Variants in DPYD observed in about 807,000 individuals in gnomAD.
DPYD encodes dihydropyrimidine dehydrogenase [NADP(+)].
DPYD carries 109 observed loss-of-function variants against 116.2 expected under a neutral mutation model. The ratio of observed to expected loss-of-function variants is 0.94; its 90% CI spans 0.80 to 1.10. The LOEUF (loss-of-function observed/expected upper bound fraction) is 1.10. DPYD is among the 50% of genes least tolerant of loss of function. The pLI is 0.00. For missense variants in DPYD, 1,302 were observed against 1,254.5 expected (o/e 1.04, Z -0.57); for synonymous variants, 440 against 432.0 (o/e 1.02, Z -0.23).
At chr1:97,373,501 C>A in intron 16 of DPYD, 60 bp downstream of exon 16, 1 of 1,426,704 alleles carries the variant, frequency 7.0e-7, no homozygotes, top group Non-Finnish European at 9.9e-7. Flanking sequence ...TAGTAACTAT[C>A]CATACGGGGG....
At chr1:97,348,626 T>C (rs1669975637) in intron 16 of DPYD, among the ~76,000 whole-genome samples, 1 of 152,164 alleles carries the variant, frequency 6.6e-6, no homozygotes, top group Admixed American at 6.6e-5. Context: ...AACAGCAGAA[T>C]TGCCTGGAAG....
chr1:97,485,669 A>G (rs938975188), intron 13 of DPYD, among the ~76,000 whole-genome samples: 1 of 152,084 alleles, frequency 6.6e-6, no homozygotes, highest in Non-Finnish European at 1.5e-5. Context: ...GGTTCATTTT[A>G]AAATACATGT....
chr1:97,141,576 A>G (rs1013857672), intron 20 of DPYD, among the ~76,000 whole-genome samples: 1 of 152,040 alleles, frequency 6.6e-6, no homozygotes, highest in African/African-American at 2.4e-5. Flanking sequence ...TGACTTCCAT[A>G]CTTTTGAGCT....
intron 20 of DPYD, among the ~76,000 whole-genome samples, chr1:97,110,582 C>T (rs578232043): frequency 5.7e-4 from 87 of 152,230 alleles, no homozygotes; most frequent in Admixed American, 3.4e-3. Flanking sequence ...CTAAGCATAA[C>T]AAAACAATTT....
chr1:97,713,098 T>C (rs1207032053), intron 5 of DPYD, among the ~76,000 whole-genome samples: 1 of 152,114 alleles, frequency 6.6e-6, no homozygotes, highest in Non-Finnish European at 1.5e-5. Flanking sequence ...CATCATTATT[T>C]GAAGATAAAT....
intron 18 of DPYD, among the ~76,000 whole-genome samples, chr1:97,247,437 T>G (rs1435693255): frequency 6.6e-6 from 1 of 152,142 alleles, no homozygotes; most frequent in Non-Finnish European, 1.5e-5. Flanking sequence ...GGAAGCTAGT[T>G]TCAAGCTGTG....
chr1:97,895,691 A>G, intron 1 of DPYD, among the ~76,000 whole-genome samples: 1 of 151,734 alleles, frequency 6.6e-6, no homozygotes, highest in East Asian at 1.9e-4. Context: ...GAATTGGGTG[A>G]GTTGAGGAGT....
chr1:97,170,678 T>C (rs759248009), intron 20 of DPYD, among the ~76,000 whole-genome samples: 8 of 151,020 alleles, frequency 5.3e-5, no homozygotes, highest in Non-Finnish European at 1.0e-4. Context: ...TCTTTCCATT[T>C]CTTTTTTTTT....
intron 19 of DPYD, among the ~76,000 whole-genome samples, chr1:97,199,326 A>C (rs934414689): frequency 6.6e-6 from 1 of 152,112 alleles, no homozygotes; most frequent in Admixed American, 6.6e-5. Flanking sequence ...GGCTGAGAGC[A>C]TGCACACAGA....
At chr1:97,237,145 G>T (rs994335800) in intron 18 of DPYD, among the ~76,000 whole-genome samples, 2 of 149,394 alleles carry the variant, frequency 1.3e-5, no homozygotes, top group Middle Eastern at 3.4e-3. Flanking sequence ...GGAGGCTGAG[G>T]CAGGAGAATT....
rs530254600 is a variant in DPYD at position 97,637,704 on chromosome 1, G to A, written c.850+41391C>T. On this transcript the variant is annotated intron_variant, in intron 8 of 22. Coordinates refer to ENST00000370192, the MANE Select transcript of DPYD (RefSeq NM_000110.4). ...GTAATTTCACGAAGGGAACAAGTGT[G>A]ATAGCCAACGAATATTTTAAGAACA... Among the ~76,000 whole-genome samples the A allele has an allele frequency of 4.1e-4, 63 of 152,240 alleles. 1 individual carries two copies. The highest frequency in any genetic ancestry group is 1.5e-3 in the African/African-American group (62 of 41,560).
At chr1:97,230,471 T>C (rs1356871171) in intron 19 of DPYD, among the ~76,000 whole-genome samples, 2 of 151,934 alleles carry the variant, frequency 1.3e-5, no homozygotes, top group African/African-American at 4.8e-5. Flanking sequence ...TGACACACAC[T>C]GGGGCCTATG....
intron 13 of DPYD, 124 bp downstream of exon 13, chr1:97,515,602 G>A (rs1188571947): frequency 1.2e-6 from 1 of 843,810 alleles, no homozygotes; most frequent in African/African-American, 1.7e-5. Flanking sequence ...AATGTGTAAT[G>A]ATAGGTCTTG....
chr1:97,270,903 G>A (rs1298013632), intron 18 of DPYD, among the ~76,000 whole-genome samples: 1 of 152,126 alleles, frequency 6.6e-6, no homozygotes, highest in Non-Finnish European at 1.5e-5. Context: ...TACATACCAG[G>A]TACTTTGCTA....
intron 3 of DPYD, among the ~76,000 whole-genome samples, chr1:97,744,952 T>C (rs1267700563): frequency 1.3e-5 from 2 of 152,070 alleles, no homozygotes; most frequent in African/African-American, 4.8e-5. Context: ...ACAAGAAAGA[T>C]GGCTGGTATC....
intron 12 of DPYD, among the ~76,000 whole-genome samples, chr1:97,527,491 C>T (rs1206065288): frequency 6.6e-6 from 1 of 152,106 alleles, no homozygotes; most frequent in African/African-American, 2.4e-5. Flanking sequence ...AGTACATATA[C>T]ACACACATTG....
intron 18 of DPYD, among the ~76,000 whole-genome samples, chr1:97,287,004 T>C (rs922012058): frequency 6.6e-6 from 1 of 152,236 alleles, no homozygotes; most frequent in African/African-American, 2.4e-5. Context: ...CTCTGCTTTT[T>C]AGAGTTTCCA....
At chr1:97,853,922 CA>C (rs1322579659) in intron 2 of DPYD, among the ~76,000 whole-genome samples, 6 of 151,900 alleles carry the variant, frequency 3.9e-5, no homozygotes, top group Admixed American at 6.6e-5. Context: ...TACTTATGGC[CA>C]AAAAAGAATC....
At chr1:97,671,338 C>T (rs1018946562) in intron 8 of DPYD, among the ~76,000 whole-genome samples, 1 of 151,932 alleles carries the variant, frequency 6.6e-6, no homozygotes, top group African/African-American at 2.4e-5. Context: ...AATACCCTAG[C>T]GAGTACTACC....
Sources: allele counts gnomAD v4.1 joint callset (sites outside exome capture counted in the v4.1 genomes callset), GRCh38; gene constraint gnomAD v4.1.1; transcripts MANE v1.5; gene names NCBI Gene and HGNC (gene_info 2026-07-23, HGNC 2026-07-21).